FRMPD4: variants seen among roughly 807,000 people sequenced by gnomAD.
The protein encoded by FRMPD4 is FERM and PDZ domain containing 4.
Under a neutral mutation model 94.1 loss-of-function variants are expected in FRMPD4, and 22 were observed. That is an observed-to-expected ratio of 0.23 (90% CI 0.17 to 0.33). FRMPD4 has a LOEUF of 0.33. Among genes scored for constraint, FRMPD4 ranks in the 10% least tolerant of loss-of-function variants. The pLI, the probability that FRMPD4 is intolerant of heterozygous loss-of-function variation, is 1.00. For synonymous variants in FRMPD4, 631 were observed against 548.6 expected (o/e 1.15, Z -2.10); for missense variants, 1,111 against 1,339.9 (o/e 0.83, Z 2.67).
chrX:12,109,015 G>A (rs2055329086), intron 3 of FRMPD4, among the ~76,000 whole-genome samples: 1 of 111,229 alleles, frequency 9.0e-6, no homozygotes, highest in Non-Finnish European at 1.9e-5. Flanking sequence ...ACAGATCAAT[G>A]AGACAGAAAG....
At chrX:12,060,651 C>T (rs764991751) in intron 3 of FRMPD4, among the ~76,000 whole-genome samples, 1 of 111,050 alleles carries the variant, frequency 9.0e-6, no homozygotes, top group East Asian at 2.8e-4. Context: ...TCTATGAAGT[C>T]GCCTCACTTC....
At chrX:12,670,203 A>T (rs780955238) in intron 4 of FRMPD4, among the ~76,000 whole-genome samples, 10 of 112,194 alleles carry the variant, frequency 8.9e-5, no homozygotes, top group Non-Finnish European at 1.7e-4. Flanking sequence ...TTGTCTGACA[A>T]TTATCCCTCA....
chrX:12,668,299 C>T (rs372391074), intron 4 of FRMPD4, among the ~76,000 whole-genome samples: 96 of 109,698 alleles, frequency 8.8e-4, no homozygotes, highest in South Asian at 5.4e-3. Flanking sequence ...TAATTATAGA[C>T]GAGAAAAAAA....
chrX:12,249,404 A>C (rs764722170), intron 1 of FRMPD4, among the ~76,000 whole-genome samples: 2 of 111,469 alleles, frequency 1.8e-5, no homozygotes, highest in Non-Finnish European at 3.8e-5. Flanking sequence ...CAGCATAGAC[A>C]GAGTGGGAAG....
chrX:11,831,721 C>T (rs566401429), intron 1 of FRMPD4, among the ~76,000 whole-genome samples: 5 of 110,414 alleles, frequency 4.5e-5, no homozygotes, highest in East Asian at 2.9e-4. Flanking sequence ...GAAAATGGGC[C>T]GGAGATAAAT....
intron 1 of FRMPD4, among the ~76,000 whole-genome samples, chrX:12,289,897 C>T (rs1006920396): frequency 1.2e-4 from 13 of 112,042 alleles, no homozygotes; most frequent in Non-Finnish European, 2.3e-4. Context: ...TCTGCACACC[C>T]AGACCTTGGT....
At chrX:12,140,204 A>C (rs1178515759) in intron 1 of FRMPD4, among the ~76,000 whole-genome samples, 1 of 112,365 alleles carries the variant, frequency 8.9e-6, no homozygotes, top group Non-Finnish European at 1.9e-5. Context: ...AACATGGGTC[A>C]GTCTTCATGC....
chrX:12,417,329 A>C (rs1395122954), intron 1 of FRMPD4, among the ~76,000 whole-genome samples: 1 of 111,182 alleles, frequency 9.0e-6, no homozygotes, highest in Non-Finnish European at 1.9e-5. Context: ...CTGTAATCCC[A>C]GCACTTTGGG....
At chrX:12,511,879 T>C (rs148054167) in intron 2 of FRMPD4, among the ~76,000 whole-genome samples, 136 of 112,519 alleles carry the variant, frequency 1.2e-3, no homozygotes, top group Non-Finnish European at 2.0e-3. Context: ...ACAAAGAATC[T>C]TGAAAGCAGC....
intron 1 of FRMPD4, among the ~76,000 whole-genome samples, chrX:12,369,803 T>G (rs2056137404): frequency 8.9e-6 from 1 of 112,292 alleles, no homozygotes; most frequent in South Asian, 3.7e-4. Context: ...TAAGGAAGGC[T>G]GAGGCCAAGT....
chrX:11,963,997 G>C (rs2054296897), intron 3 of FRMPD4, among the ~76,000 whole-genome samples: 1 of 111,591 alleles, frequency 9.0e-6, no homozygotes, highest in Admixed American at 9.5e-5. Context: ...AAGTTGGTTA[G>C]ATGTGCCACA....
intron 1 of FRMPD4, among the ~76,000 whole-genome samples, chrX:12,340,971 A>G (rs997786045): frequency 2.7e-5 from 3 of 112,117 alleles, no homozygotes; most frequent in African/African-American, 9.7e-5. Flanking sequence ...GAGGACTGGG[A>G]GTCTCTTTAC....
intron 1 of FRMPD4, among the ~76,000 whole-genome samples, chrX:12,412,988 A>ACAC (rs200328724): frequency 9.0e-6 from 1 of 111,427 alleles, no homozygotes; most frequent in African/African-American, 3.3e-5. Context: ...AAAAAAAAAA[A>ACAC]ACACACATTT....
At chrX:11,879,022 A>G (rs760140160) in intron 3 of FRMPD4, among the ~76,000 whole-genome samples, 2 of 112,149 alleles carry the variant, frequency 1.8e-5, no homozygotes, top group Non-Finnish European at 1.9e-5. Flanking sequence ...TTTCATGTCA[A>G]TAATTACTTG....
chrX:12,540,822 T>G (rs139203086), intron 2 of FRMPD4, among the ~76,000 whole-genome samples: 1 of 111,574 alleles, frequency 9.0e-6, no homozygotes. Flanking sequence ...TATTCCAAAA[T>G]TGACCACATA....
intron 3 of FRMPD4, among the ~76,000 whole-genome samples, chrX:12,021,422 A>G (rs186640135): frequency 8.9e-6 from 1 of 111,762 alleles, no homozygotes; most frequent in Admixed American, 9.5e-5. Flanking sequence ...TGATAATTAT[A>G]TTCATCAAAT....
chrX:12,112,275 G>A (rs1481609640), intron 3 of FRMPD4, among the ~76,000 whole-genome samples: 1 of 110,568 alleles, frequency 9.0e-6, no homozygotes. Context: ...TAGGGACATG[G>A]ATGAAGCTGG....
chrX:12,023,417 C>G (rs1369344506), intron 3 of FRMPD4, among the ~76,000 whole-genome samples: 1 of 111,780 alleles, frequency 8.9e-6, no homozygotes, highest in African/African-American at 3.3e-5. Flanking sequence ...CACATGACAT[C>G]TTATCAATGA....
intron 3 of FRMPD4, among the ~76,000 whole-genome samples, chrX:11,951,440 A>G (rs556437469): frequency 2.7e-5 from 3 of 112,245 alleles, no homozygotes; most frequent in African/African-American, 9.7e-5. Flanking sequence ...TGTCCTTTGC[A>G]GGAACATGGA....
Sources: gnomAD v4.1 joint callset for allele counts (sites outside exome capture counted in the v4.1 genomes callset) on GRCh38, gnomAD v4.1.1 for gene constraint, MANE v1.5 for transcripts, NCBI Gene and HGNC (gene_info 2026-07-23, HGNC 2026-07-21) for gene names.